The following ALK variants were observed in gnomAD, a reference collection of about 807,000 sequenced individuals.
ALK encodes ALK tyrosine kinase receptor.
ALK carries 74 observed loss-of-function variants against 163.1 expected under a neutral mutation model. The observed-to-expected ratio is 0.45, with a 90% CI of 0.38 to 0.55. The LOEUF is 0.55. Among genes scored for constraint, ALK ranks in the 20% least tolerant of loss-of-function variants. The pLI is 0.00. For synonymous variants in ALK, 960 were observed against 843.2 expected, an observed-to-expected ratio of 1.14 and a Z score of -2.40; for missense variants, 2,063 against 2,105.3, an observed-to-expected ratio of 0.98 and a Z score of 0.39.
At chr2:29,518,547 G>A (rs960174597) in intron 4 of ALK, among the ~76,000 whole-genome samples, 1 of 152,152 alleles carries the variant, frequency 6.6e-6, no homozygotes, top group Non-Finnish European at 1.5e-5. Context: ...TAGGTGGCTG[G>A]GGTTCAAACG....
chr2:29,742,008 G>T (rs960997405), intron 1 of ALK, among the ~76,000 whole-genome samples: 2 of 152,244 alleles, frequency 1.3e-5, no homozygotes, highest in Non-Finnish European at 2.9e-5. Flanking sequence ...TCCCACATCA[G>T]TGAGCATCTT....
intron 1 of ALK, among the ~76,000 whole-genome samples, chr2:29,878,487 T>C (rs1666777950): frequency 1.3e-5 from 2 of 152,208 alleles, no homozygotes; most frequent in Admixed American, 1.3e-4. Flanking sequence ...AAGGTCCATA[T>C]TTAATCCCAA....
At chr2:29,512,848 C>T (rs529011674) in intron 4 of ALK, among the ~76,000 whole-genome samples, 5 of 151,114 alleles carry the variant, frequency 3.3e-5, no homozygotes, top group African/African-American at 1.2e-4. Context: ...TTCTTACACA[C>T]CAACAACAGA....
At chr2:29,383,704 G>A (rs2148301327) in intron 5 of ALK, 28 bp downstream of exon 5, 1 of 1,613,914 alleles carries the variant, frequency 6.2e-7, no homozygotes, top group Non-Finnish European at 8.5e-7. Context: ...AGGCTACCAA[G>A]GAGCGTGGGA....
At chr2:29,489,288 C>T (rs1671847157) in intron 4 of ALK, among the ~76,000 whole-genome samples, 1 of 152,046 alleles carries the variant, frequency 6.6e-6, no homozygotes, top group Non-Finnish European at 1.5e-5. Flanking sequence ...TAAGCTCATC[C>T]TAGGATGTTA....
At chr2:29,632,827 G>C (rs1355183401) in intron 3 of ALK, among the ~76,000 whole-genome samples, 2 of 152,184 alleles carry the variant, frequency 1.3e-5, no homozygotes, top group Non-Finnish European at 2.9e-5. Context: ...GGCGAAGAGA[G>C]GATGAGAAAG....
chr2:29,538,202 G>A (rs1673313174), intron 3 of ALK, among the ~76,000 whole-genome samples: 1 of 152,110 alleles, frequency 6.6e-6, no homozygotes, highest in South Asian at 2.1e-4. Context: ...GGGGGGCAGG[G>A]GTGAAATAAT....
At chr2:29,208,630 G>T (rs917302483) in intron 25 of ALK, among the ~76,000 whole-genome samples, 4 of 152,170 alleles carry the variant, frequency 2.6e-5, no homozygotes, top group Non-Finnish European at 5.9e-5. Context: ...GATGGCCTCA[G>T]CATGCTCACC....
chr2:29,462,575 G>A (rs1441434459), intron 4 of ALK, among the ~76,000 whole-genome samples: 1 of 152,120 alleles, frequency 6.6e-6, no homozygotes, highest in Non-Finnish European at 1.5e-5. Flanking sequence ...TCATATTAAG[G>A]TATGTACATT....
Position 29,920,339 on chromosome 2 carries a change from C to G in ALK, c.321G>C (p.Gly107=), listed in dbSNP as rs1353027067. The stretch of plus-strand genomic sequence containing the variant: ...CTGGTGAACCGGCGGTCCAGGAGAC[C>G]CCCGGCGCCGGCCCCAGCAACCTGA... ...PLLRLLGPAP[G]VSWTAGSPAP... Residue 107 remains glycine, a synonymous_variant, in exon 1 of 29, where the codon GGG becomes GGC. Transcript: ENST00000389048. 1 of 1,551,584 alleles carries G rather than the reference C, an allele frequency of 6.4e-7. No individual in the cohort carries two copies. The highest frequency in any genetic ancestry group is 1.2e-5 in the South Asian group (1 of 84,836).
intron 1 of ALK, among the ~76,000 whole-genome samples, chr2:29,896,104 G>A (rs1343064848): frequency 6.6e-6 from 1 of 152,180 alleles, no homozygotes; most frequent in Non-Finnish European, 1.5e-5. Flanking sequence ...GAAGCTGCAG[G>A]ACAAAAAGAG....
chr2:29,314,199 G>T (rs1666767748), intron 8 of ALK, among the ~76,000 whole-genome samples: 1 of 152,148 alleles, frequency 6.6e-6, no homozygotes, highest in African/African-American at 2.4e-5. Context: ...GCCTTCCTTT[G>T]AGAAGGGCTT....
At chr2:29,756,066 A>G (rs1680517592) in intron 1 of ALK, among the ~76,000 whole-genome samples, 1 of 152,230 alleles carries the variant, frequency 6.6e-6, no homozygotes, top group Non-Finnish European at 1.5e-5. Context: ...TTCTACACAC[A>G]GTGGCAAGGA....
intron 3 of ALK, among the ~76,000 whole-genome samples, chr2:29,615,609 A>G (rs1390494441): frequency 1.3e-5 from 2 of 152,146 alleles, no homozygotes; most frequent in Non-Finnish European, 2.9e-5. Flanking sequence ...TATCAATACT[A>G]TTTGCCCTGT....
chr2:29,580,673 TCTAAATTACG>T (rs1290644483), intron 3 of ALK, among the ~76,000 whole-genome samples: 1 of 152,232 alleles, frequency 6.6e-6, no homozygotes, highest in Non-Finnish European at 1.5e-5. Context: ...GGCTGTGATT[TCTAAATTACG>T]CTAAACAGAT....
chr2:29,385,297 C>T (rs1669005858), intron 4 of ALK, among the ~76,000 whole-genome samples: 1 of 151,504 alleles, frequency 6.6e-6, no homozygotes, highest in Non-Finnish European at 1.5e-5. Flanking sequence ...TTCAGAAAGG[C>T]TGATAATGGA....
chr2:29,619,880 G>A (rs1675978372), intron 3 of ALK, among the ~76,000 whole-genome samples: 1 of 152,198 alleles, frequency 6.6e-6, no homozygotes, highest in Non-Finnish European at 1.5e-5. Flanking sequence ...CTGGGGCACT[G>A]GGATGTCATT....
intron 1 of ALK, among the ~76,000 whole-genome samples, chr2:29,908,782 A>G (rs1667620239): frequency 6.6e-6 from 1 of 152,204 alleles, no homozygotes; most frequent in South Asian, 2.1e-4. Context: ...CCAACCCTCT[A>G]TCCAACTACT....
chr2:29,305,606 T>C (rs1666488640), intron 8 of ALK, among the ~76,000 whole-genome samples: 2 of 152,154 alleles, frequency 1.3e-5, no homozygotes, highest in South Asian at 4.1e-4. Flanking sequence ...TAAATACCCA[T>C]GCCAAGTATA....
Sources: gnomAD v4.1 joint callset for allele counts (sites outside exome capture counted in the v4.1 genomes callset) on GRCh38, gnomAD v4.1.1 for gene constraint, MANE v1.5 for transcripts, NCBI Gene and HGNC (gene_info 2026-07-23, HGNC 2026-07-21) for gene names.